Variants in UNC93A observed in about 807,000 individuals in gnomAD.
UNC93A encodes unc-93 homolog A.
In UNC93A, 43 loss-of-function variants were observed where a neutral mutation model predicts 47.5. The observed-to-expected ratio is 0.91, with a 90% CI of 0.71 to 1.17. The LOEUF (loss-of-function observed/expected upper bound fraction) is 1.17, where lower values mean the gene tolerates loss of function less well. UNC93A is among the 50% of genes most tolerant of loss of function. The pLI, the probability that UNC93A is intolerant of heterozygous loss-of-function variation, is 0.00. For synonymous variants in UNC93A, 280 were observed against 258.0 expected (o/e 1.09, Z -0.82); for missense variants, 605 against 577.6 (o/e 1.05, Z -0.49).
Position 167,315,198 on chromosome 6 carries a change from G to A in UNC93A, c.1120G>A (p.Val374Ile), listed in dbSNP as rs572198078. The change falls in exon 8 of 8, where the codon GTT (valine) becomes ATT (isoleucine). Residue 374 changes from valine (V) to isoleucine (I), a missense_variant. Coordinates refer to ENST00000230256, the MANE Select transcript of UNC93A (RefSeq NM_018974.4). ...TCTCTCCTCTGCAGCTCTCTACGGCGTTCTGTTTGAGAAGAGCAAGGAAGC... is the reference window on the plus strand; with the variant it reads ...TCTCTCCTCTGCAGCTCTCTACGGCATTCTGTTTGAGAAGAGCAAGGAAGC... ...WQTQNNALYGVLFEKSKEAAF... is the reference protein window; with the variant it reads ...WQTQNNALYGILFEKSKEAAF... The A allele has an allele frequency of 7.7e-5, 124 of 1,613,618 alleles. No individual in the cohort carries two copies. Among genetic ancestry groups the A allele is most frequent in the South Asian group, 6.6e-4 (60 of 91,050 alleles).
intron 7 of UNC93A, among the ~76,000 whole-genome samples, chr6:167,309,227 GT>G (rs1400126719): frequency 6.6e-6 from 1 of 152,232 alleles, no homozygotes; most frequent in Non-Finnish European, 1.5e-5. Flanking sequence ...GAGGTGCTTT[GT>G]GCGGGCTGGC....
chr6:167,313,495 G>A (rs1434288696), intron 7 of UNC93A, among the ~76,000 whole-genome samples: 2 of 152,038 alleles, frequency 1.3e-5, no homozygotes, highest in African/African-American at 2.4e-5. Flanking sequence ...CTTGACGAAG[G>A]GAGATGGTGG....
intron 4 of UNC93A, 27 bp from the exon 5 acceptor site, chr6:167,303,892 G>A (rs1778308522): frequency 2.5e-6 from 4 of 1,612,744 alleles, no homozygotes; most frequent in South Asian, 1.1e-5. Flanking sequence ...CCCCATGAAA[G>A]CTGAAGCCTT....
intron 1 of UNC93A, among the ~76,000 whole-genome samples, chr6:167,281,073 C>G (rs1037119172): frequency 6.6e-6 from 1 of 152,026 alleles, no homozygotes; most frequent in African/African-American, 2.4e-5. Context: ...CCAAGAGGAG[C>G]CTCAGGCGGT....
Position 167,314,381 on chromosome 6 carries a change from GGTCACC to G in UNC93A, c.1109-804_1109-799del, listed in dbSNP as rs1583099053. On this transcript the variant is annotated intron_variant, in intron 7 of 7. Transcript: ENST00000230256. ...TTCAGGCCCTGCTGCCTGCAGTTAA[GGTCACC>G]GCACACCCTGCCTCACCGGGGCTCA... 3.3e-5 allele frequency among the ~76,000 whole-genome samples: 5 copies of G among 152,232 alleles called. No homozygotes were observed. The East Asian group carries it at 9.7e-4, about 29-fold the overall frequency.
At chr6:167,311,093 G>A (rs1431281474) in intron 7 of UNC93A, among the ~76,000 whole-genome samples, 3 of 152,160 alleles carry the variant, frequency 2.0e-5, no homozygotes, top group African/African-American at 7.2e-5. Context: ...TACATCTCAA[G>A]AACAGCTCTC....
chr6:167,307,730 C>T, intron 6 of UNC93A, 49 bp from the exon 7 acceptor site: 1 of 1,566,248 alleles, frequency 6.4e-7, no homozygotes, highest in Non-Finnish European at 8.6e-7. Flanking sequence ...CCCCTCCAGG[C>T]CATGATGATG....
intron 1 of UNC93A, among the ~76,000 whole-genome samples, chr6:167,283,201 C>G (rs56073794): frequency 0.019 from 2,923 of 152,236 alleles, 105 homozygotes; most frequent in African/African-American, 0.067. Flanking sequence ...ATGTGTCAAA[C>G]AAAGTTATTT....
At chr6:167,296,873 G>T (rs539568662) in intron 3 of UNC93A, among the ~76,000 whole-genome samples, 1 of 152,136 alleles carries the variant, frequency 6.6e-6, no homozygotes, top group Non-Finnish European at 1.5e-5. Flanking sequence ...CTTTCCCAAC[G>T]GGGTAAAAAC....
intron 7 of UNC93A, among the ~76,000 whole-genome samples, chr6:167,310,776 G>A (rs183957446): frequency 6.6e-6 from 1 of 152,304 alleles, no homozygotes; most frequent in East Asian, 1.9e-4. Context: ...AGCTACGAGG[G>A]AGGCTGAAGC....
intron 4 of UNC93A, among the ~76,000 whole-genome samples, chr6:167,298,810 T>G (rs2003656): frequency 0.22 from 33,029 of 151,888 alleles, 3,794 homozygotes; most frequent in African/African-American, 0.29. Flanking sequence ...ATTTTGTAAA[T>G]AATTTAAATA....
chr6:167,285,889 T>G (rs1049812340), intron 1 of UNC93A, among the ~76,000 whole-genome samples: 2 of 151,086 alleles, frequency 1.3e-5, no homozygotes, highest in Non-Finnish European at 2.9e-5. Flanking sequence ...AGAGTAAACA[T>G]ACCCCTTTCC....
intron 2 of UNC93A, among the ~76,000 whole-genome samples, chr6:167,295,340 G>A (rs746092213): frequency 1.2e-4 from 18 of 152,346 alleles, no homozygotes; most frequent in East Asian, 5.8e-4. Context: ...GCTGAGGCCC[G>A]AGCCGGTCAC....
chr6:167,308,517 T>C (rs73264871), intron 7 of UNC93A, among the ~76,000 whole-genome samples: 6,034 of 151,874 alleles, frequency 0.04, 379 homozygotes, highest in African/African-American at 0.14. Context: ...TCCTAGAGGC[T>C]ACATCTGCAT....
At chr6:167,310,335 A>C (rs547100401) in intron 7 of UNC93A, among the ~76,000 whole-genome samples, 1 of 152,302 alleles carries the variant, frequency 6.6e-6, no homozygotes, top group Non-Finnish European at 1.5e-5. Context: ...GTGATCATTC[A>C]TATTTGGTTT....
chr6:167,273,845 A>T (rs9459956), intron 1 of UNC93A, among the ~76,000 whole-genome samples: 1 of 150,320 alleles, frequency 6.7e-6, no homozygotes, highest in Non-Finnish European at 1.5e-5. Flanking sequence ...GAAAGGAAAT[A>T]TCTGGGTTAG....
rs960180884 is a variant in UNC93A at position 167,315,766 on chromosome 6, G to A, written c.*314G>A. On this transcript the variant is annotated 3_prime_UTR_variant, in exon 8 of 8. Coordinates refer to ENST00000230256, the MANE Select transcript of UNC93A (RefSeq NM_018974.4). ...ATCATAGACTCACCCTAGTTTTATTGCTGTAGTTGTTTTTAAGAATTGGAA... is the reference window on the plus strand; with the variant it reads ...ATCATAGACTCACCCTAGTTTTATTACTGTAGTTGTTTTTAAGAATTGGAA... 1.6e-4 allele frequency: 37 copies of A among 225,338 alleles called. No individual in the cohort carries two copies. Among genetic ancestry groups the A allele is most frequent in the African/African-American group, 9.0e-4 (35 of 38,960 alleles). 14.0% of individuals were successfully genotyped at this position (225,338 alleles called of 1,614,324 possible).
intron 1 of UNC93A, among the ~76,000 whole-genome samples, chr6:167,285,938 T>TTCTTTC (rs1554237635): frequency 3.2e-4 from 42 of 131,772 alleles, no homozygotes; most frequent in African/African-American, 1.2e-3. Flanking sequence ...TTAGTTTTCT[T>TTCTTTC]TCTCTCTCTC....
intron 3 of UNC93A, among the ~76,000 whole-genome samples, chr6:167,296,806 G>A (rs764836789): frequency 5.3e-5 from 8 of 152,158 alleles, no homozygotes; most frequent in South Asian, 2.1e-4. Flanking sequence ...TAGTGCCCAC[G>A]TTGAGGCTTT....
Sources: allele counts gnomAD v4.1 joint callset (sites outside exome capture counted in the v4.1 genomes callset), GRCh38; gene constraint gnomAD v4.1.1; transcripts MANE v1.5; gene names NCBI Gene and HGNC (gene_info 2026-07-23, HGNC 2026-07-21).